Variants in TMCC1 observed in about 807,000 individuals in gnomAD.
TMCC1 encodes the protein transmembrane and coiled-coil domains protein 1.
A neutral mutation model predicts 52.4 loss-of-function variants in TMCC1; 15 were observed. That is an observed-to-expected ratio of 0.29 (90% CI 0.19 to 0.44). The LOEUF (loss-of-function observed/expected upper bound fraction) is 0.44, where lower values mean the gene tolerates loss of function less well. Ranked by LOEUF, TMCC1 falls within the 20% of genes least tolerant of loss-of-function variation. The probability of loss-of-function intolerance (pLI) is 1.00; values close to 1 mark genes in which losing one functional copy is unlikely to be tolerated. For missense variants in TMCC1, 503 were observed against 806.0 expected (o/e 0.62, Z 4.55); for synonymous variants, 279 against 301.9 (o/e 0.92, Z 0.79).
intron 4 of TMCC1, among the ~76,000 whole-genome samples, chr3:129,823,388 C>A (rs2058510792): frequency 6.6e-6 from 1 of 152,006 alleles, no homozygotes; most frequent in Admixed American, 6.6e-5. Context: ...AACATATTCC[C>A]AAAGTTGATA....
At chr3:129,700,149 G>C (rs556293938) in intron 4 of TMCC1, among the ~76,000 whole-genome samples, 1 of 152,074 alleles carries the variant, frequency 6.6e-6, no homozygotes, top group Non-Finnish European at 1.5e-5. Context: ...GCTGAGGCAG[G>C]ATGATCACTT....
Position 129,760,495 on chromosome 3 carries a change from T to TGTG in TMCC1, c.576+67307_576+67308insCAC, listed in dbSNP as rs370985390. Among the ~76,000 whole-genome samples, 14 of 144,612 alleles carry TGTG rather than the reference T, an allele frequency of 9.7e-5. No individual in the cohort carries two copies. In the South Asian group the frequency reaches 1.1e-3, roughly 11 times the overall value. The allele number at this position is 144,612 out of a possible 152,430, so 94.9% of individuals were successfully genotyped here. A position where few individuals can be genotyped will look rare whatever the true frequency, so the allele number is the denominator to read the frequency against. On this transcript the variant is annotated intron_variant, in intron 4 of 6. Transcript: ENST00000393238. Reference sequence around the variant, plus strand: ...GTGTGTGTGTGTGTGTGTGTGTGTGTTTTTGAGACAGTCTCGCTCTGTTGC... The same window carrying TGTG: ...GTGTGTGTGTGTGTGTGTGTGTGTGTGTGTTTTGAGACAGTCTCGCTCTGTTGC...
At chr3:129,687,313 G>T (rs898179075) in intron 4 of TMCC1, among the ~76,000 whole-genome samples, 1 of 152,040 alleles carries the variant, frequency 6.6e-6, no homozygotes, top group Non-Finnish European at 1.5e-5. Flanking sequence ...AAAAACATAA[G>T]AAATAAGATC....
At chr3:129,678,251 C>T (rs1318516643) in intron 4 of TMCC1, among the ~76,000 whole-genome samples, 1 of 151,630 alleles carries the variant, frequency 6.6e-6, no homozygotes, top group East Asian at 1.9e-4. Context: ...TACCTTATAT[C>T]CATATCCACT....
intron 4 of TMCC1, among the ~76,000 whole-genome samples, chr3:129,694,174 C>T (rs2047224665): frequency 1.3e-5 from 2 of 152,308 alleles, no homozygotes; most frequent in Admixed American, 1.3e-4. Context: ...GAGAGTTTCT[C>T]AGGTGTATTT....
intron 4 of TMCC1, among the ~76,000 whole-genome samples, chr3:129,821,153 T>A (rs1326950830): frequency 6.6e-6 from 1 of 152,212 alleles, no homozygotes; most frequent in Non-Finnish European, 1.5e-5. Flanking sequence ...TCTGCCTTTA[T>A]ATTACACTCC....
chr3:129,674,842 C>A (rs562521590), intron 4 of TMCC1, among the ~76,000 whole-genome samples: 1 of 152,220 alleles, frequency 6.6e-6, no homozygotes, highest in East Asian at 1.9e-4. Context: ...AATTAGATTT[C>A]TCTTCTTTTT....
chr3:129,803,691 A>G (rs1234952385), intron 4 of TMCC1, among the ~76,000 whole-genome samples: 3 of 152,246 alleles, frequency 2.0e-5, no homozygotes, highest in East Asian at 1.9e-4. Flanking sequence ...TTAAAGACCC[A>G]GAGCACACAC....
intron 2 of TMCC1, among the ~76,000 whole-genome samples, chr3:129,857,564 ATTTT>A (rs562623388): frequency 6.6e-6 from 1 of 150,874 alleles, no homozygotes; most frequent in Admixed American, 6.6e-5. Context: ...TTTTTTTAAT[ATTTT>A]TTTTTCTTTT....
At chr3:129,655,229 G>C in intron 5 of TMCC1, 126 bp from the exon 6 acceptor site, 1 of 1,173,516 alleles carries the variant, frequency 8.5e-7, no homozygotes, top group Admixed American at 2.5e-5. Context: ...GAGTGGCCTG[G>C]GTTAACAGGG....
In TMCC1 at chr3:129,827,417, T is replaced by G. The variant is rs2058705561; in HGVS notation, c.576+386A>C. Among the ~76,000 whole-genome samples the G allele has an allele frequency of 5.3e-5, 8 of 152,222 alleles. No homozygotes were observed. In the South Asian group the frequency reaches 1.7e-3, roughly 32 times the overall value. On this transcript the variant is annotated intron_variant, in intron 4 of 6. Transcript: ENST00000393238. ...TTCCATGGTAAGCACAAACTCAGAT[T>G]CTAGAACTTTATTCACTACATTCAT...
intron 4 of TMCC1, among the ~76,000 whole-genome samples, chr3:129,769,537 A>T (rs1351046777): frequency 1.7e-5 from 1 of 60,300 alleles, no homozygotes; most frequent in Non-Finnish European, 3.2e-5. Context: ...GCCCATTATG[A>T]GATTTTTTTT....
intron 2 of TMCC1, among the ~76,000 whole-genome samples, chr3:129,877,369 A>G (rs2061264668): frequency 6.6e-6 from 1 of 152,144 alleles, no homozygotes; most frequent in Non-Finnish European, 1.5e-5. Flanking sequence ...CCTAGTTCTC[A>G]TCTTAACTCT....
chr3:129,727,922 GCC>G (rs2050234863), intron 4 of TMCC1, among the ~76,000 whole-genome samples: 1 of 152,132 alleles, frequency 6.6e-6, no homozygotes, highest in African/African-American at 2.4e-5. Flanking sequence ...CTACAAAAAA[GCC>G]CAACTAGTGT....
chr3:129,850,470 C>G lies in TMCC1; in HGVS notation c.-183-17644G>C, dbSNP rs149992119. ...AAATATTAGAATTTGCTGCTGAGAT[C>G]AGGCAAAGGCTTAATCTCTGAAAAG... On this transcript the variant is annotated intron_variant, in intron 2 of 6. Coordinates refer to ENST00000393238, the MANE Select transcript of TMCC1 (RefSeq NM_001017395.5). 4.9e-3 allele frequency among the ~76,000 whole-genome samples: 747 copies of G among 152,324 alleles called. 5 individuals carry two copies. The highest frequency in any genetic ancestry group is 8.0e-3 in the Non-Finnish European group (546 of 68,028).
intron 4 of TMCC1, among the ~76,000 whole-genome samples, chr3:129,754,788 A>T (rs1408901788): frequency 6.6e-6 from 1 of 152,230 alleles, no homozygotes; most frequent in Non-Finnish European, 1.5e-5. Context: ...TTTAAAAAAC[A>T]GAAAAAAGGC....
At chr3:129,659,094 C>CTTTTTTTT (rs902362203) in intron 5 of TMCC1, among the ~76,000 whole-genome samples, 2 of 130,012 alleles carry the variant, frequency 1.5e-5, no homozygotes, top group Non-Finnish European at 3.3e-5. Context: ...TTCTTTCTTT[C>CTTTTTTTT]TTTTTTTTTT....
At chr3:129,885,366 T>C (rs1224007386) in intron 1 of TMCC1, among the ~76,000 whole-genome samples, 2 of 150,726 alleles carry the variant, frequency 1.3e-5, no homozygotes, top group Non-Finnish European at 3.0e-5. Flanking sequence ...AGAAAAAGGA[T>C]CACCTGAGGT....
chr3:129,747,697 T>C (rs189941526), intron 4 of TMCC1, among the ~76,000 whole-genome samples: 44 of 146,274 alleles, frequency 3.0e-4, no homozygotes, highest in Middle Eastern at 3.6e-3. Context: ...CCACTTGGGC[T>C]CTGAAACTCC....
Sources: gnomAD v4.1 joint callset for allele counts (sites outside exome capture counted in the v4.1 genomes callset) on GRCh38, gnomAD v4.1.1 for gene constraint, MANE v1.5 for transcripts, NCBI Gene and HGNC (gene_info 2026-07-23, HGNC 2026-07-21) for gene names.